The following ARL15 variants were observed in gnomAD, a reference collection of about 807,000 sequenced individuals.
ARL15 encodes ARF like GTPase 15.
A neutral mutation model predicts 25.2 loss-of-function variants in ARL15; 19 were observed. The observed-to-expected ratio is 0.75, with a 90% CI of 0.53 to 1.10. The LOEUF (loss-of-function observed/expected upper bound fraction) is 1.10, where lower values mean the gene tolerates loss of function less well. ARL15 is among the 50% of genes least tolerant of loss of function. ARL15 has a pLI of 0.00. For synonymous variants in ARL15, 94 were observed against 86.8 expected (o/e 1.08, Z -0.46); for missense variants, 220 against 246.0 (o/e 0.89, Z 0.71).
intron 3 of ARL15, among the ~76,000 whole-genome samples, chr5:54,129,944 G>A (rs1753381449): frequency 6.6e-6 from 1 of 152,182 alleles, no homozygotes; most frequent in South Asian, 2.1e-4. Context: ...GCATTAAAAT[G>A]TCTTAAAATA....
chr5:54,226,136 G>T (rs1445458369), intron 1 of ARL15, among the ~76,000 whole-genome samples: 1 of 152,148 alleles, frequency 6.6e-6, no homozygotes, highest in Non-Finnish European at 1.5e-5. Context: ...AAGTTAAAAG[G>T]GCAAGGGATT....
At chr5:53,916,494 C>T (rs1384591221) in intron 4 of ARL15, among the ~76,000 whole-genome samples, 1 of 151,868 alleles carries the variant, frequency 6.6e-6, no homozygotes, top group East Asian at 1.9e-4. Flanking sequence ...ACATGTAACC[C>T]CCTAAACCTA....
chr5:54,217,061 G>A (rs955474555), intron 1 of ARL15, among the ~76,000 whole-genome samples: 1 of 151,922 alleles, frequency 6.6e-6, no homozygotes, highest in African/African-American at 2.4e-5. Context: ...TAAAGAAATA[G>A]GAAAACGAGA....
chr5:54,260,018 C>CA (rs1757461744), intron 1 of ARL15, among the ~76,000 whole-genome samples: 1 of 152,148 alleles, frequency 6.6e-6, no homozygotes, highest in African/African-American at 2.4e-5. Context: ...TAATTTCCCC[C>CA]AAATAAACCC....
chr5:53,919,902 A>G (rs1258336729), intron 4 of ARL15, among the ~76,000 whole-genome samples: 7 of 152,210 alleles, frequency 4.6e-5, no homozygotes, highest in Non-Finnish European at 8.8e-5. Context: ...GTAATCTTGA[A>G]CCGACGAGTC....
At position 53,926,590 on chromosome 5, in the gene ARL15, G is replaced by A. The variant is rs560308482; in HGVS notation, c.463-39877C>T. Among the ~76,000 whole-genome samples the A allele has an allele frequency of 2.0e-5, 3 of 152,270 alleles. No individual in the cohort carries two copies. In the South Asian group the frequency reaches 6.2e-4, roughly 32 times the overall value. ...ATGCAGTTGACAGGAGAAGGGAAAGGAATTGACATGATAGCAAATTGACAG... is the reference window on the plus strand; with the variant it reads ...ATGCAGTTGACAGGAGAAGGGAAAGAAATTGACATGATAGCAAATTGACAG... On this transcript the variant is annotated intron_variant, in intron 4 of 4. Transcript: ENST00000504924.
chr5:54,079,201 G>C (rs1437407364), intron 4 of ARL15, among the ~76,000 whole-genome samples: 1 of 152,108 alleles, frequency 6.6e-6, no homozygotes, highest in African/African-American at 2.4e-5. Context: ...CTGAAAATAA[G>C]TTGGCTTTTT....
At chr5:53,913,116 G>C (rs904780695) in intron 4 of ARL15, among the ~76,000 whole-genome samples, 8 of 152,120 alleles carry the variant, frequency 5.3e-5, no homozygotes, top group Non-Finnish European at 4.4e-5. Flanking sequence ...CTGGGCAACA[G>C]AGTGAGACCC....
At chr5:54,052,396 T>C (rs1232975132) in intron 4 of ARL15, among the ~76,000 whole-genome samples, 1 of 151,992 alleles carries the variant, frequency 6.6e-6, no homozygotes, top group Non-Finnish European at 1.5e-5. Flanking sequence ...AGTATTGGGG[T>C]ATAAAGTGCA....
At chr5:53,924,577 T>C (rs1261912091) in intron 4 of ARL15, among the ~76,000 whole-genome samples, 2 of 152,184 alleles carry the variant, frequency 1.3e-5, no homozygotes, top group East Asian at 3.8e-4. Flanking sequence ...GTTGAGGGCA[T>C]GAACCTAGAC....
chr5:54,054,764 T>G (rs1750808714), intron 4 of ARL15, among the ~76,000 whole-genome samples: 3 of 152,060 alleles, frequency 2.0e-5, no homozygotes. Context: ...CACTCCAGCC[T>G]GGGTTACAGA....
chr5:54,028,681 G>A (rs1057320202), intron 4 of ARL15, among the ~76,000 whole-genome samples: 3 of 152,102 alleles, frequency 2.0e-5, no homozygotes, highest in Admixed American at 1.3e-4. Flanking sequence ...AGAAATGAAT[G>A]TCTCTCTCTG....
intron 3 of ARL15, among the ~76,000 whole-genome samples, chr5:54,121,809 TA>T (rs1753085229): frequency 1.3e-5 from 2 of 152,152 alleles, no homozygotes; most frequent in African/African-American, 4.8e-5. Flanking sequence ...TCCCTCTCAA[TA>T]AAAGAGAGGA....
intron 2 of ARL15, among the ~76,000 whole-genome samples, chr5:54,162,769 T>A (rs147688765): frequency 1.2e-4 from 18 of 152,346 alleles, no homozygotes; most frequent in African/African-American, 4.3e-4. Flanking sequence ...CAGCTCTAAT[T>A]CATATCAACC....
intron 4 of ARL15, among the ~76,000 whole-genome samples, chr5:54,099,004 C>G (rs1379429382): frequency 6.6e-6 from 1 of 152,238 alleles, no homozygotes; most frequent in African/African-American, 2.4e-5. Flanking sequence ...CCTCTTGAGC[C>G]TTCAAAGAGG....
At chr5:53,917,567 C>T (rs1457200115) in intron 4 of ARL15, among the ~76,000 whole-genome samples, 2 of 152,164 alleles carry the variant, frequency 1.3e-5, no homozygotes, top group African/African-American at 4.8e-5. Flanking sequence ...AAAACAACCC[C>T]ACCTCCTGCT....
In ARL15 at chr5:54,292,674, C is replaced by T. The variant is rs564770708; in HGVS notation, c.48+17758G>A. ...CGCACAATTCAATTTAAAAGGATGG[C>T]CTTATCTTACAAGTCACAAGAGAAG... On this transcript the variant is annotated intron_variant, in intron 1 of 4. Coordinates refer to ENST00000504924, the MANE Select transcript of ARL15 (RefSeq NM_019087.3). 3.9e-5 allele frequency among the ~76,000 whole-genome samples: 6 copies of T among 152,180 alleles called. No individual in the cohort carries two copies. The South Asian group carries it at 1.2e-3, about 32-fold the overall frequency.
At chr5:54,100,655 TAA>T (rs1579799802) in intron 4 of ARL15, among the ~76,000 whole-genome samples, 1 of 152,134 alleles carries the variant, frequency 6.6e-6, no homozygotes, top group Admixed American at 6.6e-5. Flanking sequence ...TTAATTTTCT[TAA>T]AAGTGTTTTA....
intron 4 of ARL15, among the ~76,000 whole-genome samples, chr5:54,109,209 C>T (rs78629297): frequency 0.012 from 1,782 of 152,018 alleles, 25 homozygotes; most frequent in Middle Eastern, 0.041. Context: ...ACAAATAGAG[C>T]CATTCAACCT....
Sources: gnomAD v4.1 joint callset for allele counts (sites outside exome capture counted in the v4.1 genomes callset) on GRCh38, gnomAD v4.1.1 for gene constraint, MANE v1.5 for transcripts, NCBI Gene and HGNC (gene_info 2026-07-23, HGNC 2026-07-21) for gene names.